The following PIK3C2G variants were observed in gnomAD, a reference collection of about 807,000 sequenced individuals.
The protein encoded by PIK3C2G is phosphatidylinositol-4-phosphate 3-kinase catalytic subunit type 2 gamma, also known as phosphatidylinositol 3-kinase C2 domain-containing subunit gamma.
PIK3C2G carries 168 observed loss-of-function variants against 181.1 expected under a neutral mutation model. The ratio of observed to expected loss-of-function variants is 0.93; its 90% confidence interval spans 0.82 to 1.05. The LOEUF (loss-of-function observed/expected upper bound fraction) is 1.05, where lower values mean the gene tolerates loss of function less well. Among genes scored for constraint, PIK3C2G ranks in the 50% least tolerant of loss-of-function variants. The probability of loss-of-function intolerance (pLI) is 0.00; values close to 1 mark genes in which losing one functional copy is unlikely to be tolerated. For synonymous variants in PIK3C2G, 573 were observed against 592.2 expected, an observed-to-expected ratio of 0.97 and a Z score of 0.47; for missense variants, 1,869 against 1,732.8, an observed-to-expected ratio of 1.08 and a Z score of -1.40.
At chr12:18,370,810 CT>C (rs1256813375) in intron 12 of PIK3C2G, among the ~76,000 whole-genome samples, 6 of 152,238 alleles carry the variant, frequency 3.9e-5, no homozygotes, top group African/African-American at 1.4e-4. Context: ...TTATAGCTAA[CT>C]TAAACCTTGA....
At chr12:18,694,866 TA>T in the PIK3C2G span, 1 of 1,436,104 alleles carries the variant, frequency 7.0e-7, no homozygotes, top group South Asian at 1.2e-5. Flanking sequence ...CTATCTAGTT[TA>T]TATAATAACC....
At chr12:18,562,676 A>T (rs1945412019) in intron 26 of PIK3C2G, 27 bp from the exon 27 acceptor site, 1 of 1,365,714 alleles carries the variant, frequency 7.3e-7, no homozygotes, top group African/African-American at 1.4e-5. Context: ...AGTGTCACTC[A>T]CTATCTTTTC....
At chr12:18,356,809 T>C (rs1216525408) in intron 11 of PIK3C2G, among the ~76,000 whole-genome samples, 1 of 147,506 alleles carries the variant, frequency 6.8e-6, no homozygotes, top group Non-Finnish European at 1.5e-5. Flanking sequence ...CAAGCTGCTT[T>C]TTCTCTTCTT....
rs572639986 is a variant in PIK3C2G at position 18,563,372 on chromosome 12, T to C, written c.3781-5T>C. ...TTTTGATTTCTATCTATTTACTTTC[T>C]GCAGCTGTATCTGATCCAGGTGACA... On this transcript the variant is annotated splice_region_variant and splice_polypyrimidine_tract_variant and intron_variant, in intron 27 of 32. Transcript: ENST00000538779. 50 of 1,606,978 alleles carry C rather than the reference T, an allele frequency of 3.1e-5. No individual in the cohort carries two copies. In the South Asian group the frequency reaches 4.0e-4, roughly 13 times the overall value.
At chr12:18,554,074 C>G (rs545846022) in intron 26 of PIK3C2G, among the ~76,000 whole-genome samples, 72 of 152,142 alleles carry the variant, frequency 4.7e-4, no homozygotes, top group African/African-American at 1.7e-3. Context: ...GAGTCACCAA[C>G]TGCATTTTAT....
At chr12:18,531,265 T>C (rs1377936497) in intron 24 of PIK3C2G, among the ~76,000 whole-genome samples, 2 of 152,172 alleles carry the variant, frequency 1.3e-5, no homozygotes, top group South Asian at 2.1e-4. Flanking sequence ...TATCAATATC[T>C]ATATCCAGAT....
At chr12:18,530,071 T>C (rs1294717689) in intron 24 of PIK3C2G, among the ~76,000 whole-genome samples, 1 of 152,034 alleles carries the variant, frequency 6.6e-6, no homozygotes, top group Non-Finnish European at 1.5e-5. Flanking sequence ...CATCCCACTA[T>C]TTCACTCTCT....
intron 12 of PIK3C2G, among the ~76,000 whole-genome samples, chr12:18,370,166 G>C (rs895479721): frequency 6.6e-6 from 1 of 152,240 alleles, no homozygotes. Context: ...GCCCCTATTA[G>C]GGATGCCAGA....
intron 12 of PIK3C2G, among the ~76,000 whole-genome samples, chr12:18,368,568 T>A (rs1941804501): frequency 6.6e-6 from 1 of 152,220 alleles, no homozygotes; most frequent in African/African-American, 2.4e-5. Flanking sequence ...TCCCATCCCA[T>A]CTTCTTTATT....
At chr12:18,645,903 C>T (rs1950105202) in intron 32 of PIK3C2G, among the ~76,000 whole-genome samples, 1 of 152,152 alleles carries the variant, frequency 6.6e-6, no homozygotes, top group Non-Finnish European at 1.5e-5. Context: ...TACAGTCACA[C>T]TTTGAGGGTT....
chr12:18,710,366 C>T, the PIK3C2G span, among the ~76,000 whole-genome samples: 1 of 151,328 alleles, frequency 6.6e-6, no homozygotes, highest in South Asian at 2.1e-4. Context: ...GTACAAAGGC[C>T]TTGAGATATG....
chr12:18,263,496 T>C (rs1948341697), intron 1 of PIK3C2G, among the ~76,000 whole-genome samples: 1 of 152,146 alleles, frequency 6.6e-6, no homozygotes, highest in African/African-American at 2.4e-5. Flanking sequence ...GAGATTACTA[T>C]TACTTCCATT....
chr12:18,327,343 A>T (rs574823880), intron 8 of PIK3C2G, among the ~76,000 whole-genome samples: 1 of 152,200 alleles, frequency 6.6e-6, no homozygotes, highest in African/African-American at 2.4e-5. Flanking sequence ...CATGTCCAAA[A>T]CAGTGTCAAT....
At chr12:18,679,799 G>A in the PIK3C2G span, among the ~76,000 whole-genome samples, 27 of 152,036 alleles carry the variant, frequency 1.8e-4, 2 homozygotes, top group South Asian at 5.4e-3. Context: ...TAGAAAAAGG[G>A]CACTTATCCC....
chr12:18,530,314 C>T (rs989633564), intron 24 of PIK3C2G, among the ~76,000 whole-genome samples: 11 of 152,140 alleles, frequency 7.2e-5, no homozygotes, highest in Non-Finnish European at 1.5e-4. Flanking sequence ...AAGCCATTCT[C>T]CTCCTACCTT....
At chr12:18,358,597 G>A (rs1004536413) in intron 11 of PIK3C2G, 9 of 450,292 alleles carry the variant, frequency 2.0e-5, no homozygotes, top group Admixed American at 4.8e-5. Flanking sequence ...ACCCAGTTAA[G>A]AAGAATGCCA....
intron 31 of PIK3C2G, among the ~76,000 whole-genome samples, chr12:18,630,114 A>G (rs970893367): frequency 2.6e-5 from 4 of 152,132 alleles, no homozygotes; most frequent in Admixed American, 2.0e-4. Context: ...ATGAAAGTAA[A>G]GAATAAGATG....
chr12:18,709,927 G>A, the PIK3C2G span, among the ~76,000 whole-genome samples: 1 of 151,856 alleles, frequency 6.6e-6, no homozygotes, highest in African/African-American at 2.4e-5. Flanking sequence ...TATTGTAAAT[G>A]AGATTTTTTC....
At chr12:18,723,591 A>T in the PIK3C2G span, 1 of 1,326,180 alleles carries the variant, frequency 7.5e-7, no homozygotes. Flanking sequence ...TAAAAAATAC[A>T]TAAAATGAAT....
Sources: allele counts gnomAD v4.1 joint callset (sites outside exome capture counted in the v4.1 genomes callset), GRCh38; gene constraint gnomAD v4.1.1; transcripts MANE v1.5; gene names NCBI Gene and HGNC (gene_info 2026-07-23, HGNC 2026-07-21).